The following CLPX variants were observed in gnomAD, a reference collection of about 807,000 sequenced individuals.
The protein encoded by CLPX is caseinolytic mitochondrial matrix peptidase chaperone subunit X, also known as ATP-dependent clpX-like chaperone, mitochondrial.
A neutral mutation model predicts 76.4 loss-of-function variants in CLPX; 34 were observed. The observed-to-expected ratio is 0.45, with a 90% CI of 0.34 to 0.59. The LOEUF is 0.59. Among genes scored for constraint, CLPX ranks in the 20% least tolerant of loss-of-function variants. The pLI, the probability that CLPX is intolerant of heterozygous loss-of-function variation, is 0.01. For missense variants in CLPX, 613 were observed against 757.0 expected, an observed-to-expected ratio of 0.81 and a Z score of 2.23; for synonymous variants, 248 against 270.9, an observed-to-expected ratio of 0.92 and a Z score of 0.83.
intron 10 of CLPX, 53 bp downstream of exon 10, chr15:65,155,639 G>T: frequency 7.0e-7 from 1 of 1,427,984 alleles, no homozygotes; most frequent in Non-Finnish European, 9.7e-7. Context: ...GAAACTGAGT[G>T]TACATCCTTT....
chr15:65,184,004 T>C (rs1222054594), intron 1 of CLPX, among the ~76,000 whole-genome samples: 1 of 152,280 alleles, frequency 6.6e-6, no homozygotes, highest in Non-Finnish European at 1.5e-5. Context: ...CTTACATTTA[T>C]ATATCATTTT....
At chr15:65,159,991 T>A (rs1258191555) in intron 6 of CLPX, among the ~76,000 whole-genome samples, 1 of 152,040 alleles carries the variant, frequency 6.6e-6, no homozygotes, top group Non-Finnish European at 1.5e-5. Context: ...TTTTGTATTA[T>A]TAGTAGAGAC....
chr15:65,161,638 T>G (rs753396612), intron 6 of CLPX, among the ~76,000 whole-genome samples: 3 of 150,472 alleles, frequency 2.0e-5, no homozygotes, highest in Non-Finnish European at 4.5e-5. Context: ...ATAGGTTAAC[T>G]AGCTGTCAAC....
At chr15:65,151,828 T>G (rs370760751) in intron 13 of CLPX, among the ~76,000 whole-genome samples, 1 of 152,204 alleles carries the variant, frequency 6.6e-6, no homozygotes, top group Non-Finnish European at 1.5e-5. Flanking sequence ...ACCTAGCTTT[T>G]GTGTAGGTAA....
In CLPX at chr15:65,160,623, T is replaced by TCTCTCTCACACACA. The variant is rs1219208926; in HGVS notation, c.716-1873_716-1872insTGTGTGTGAGAGAG. 1.1e-3 allele frequency among the ~76,000 whole-genome samples: 114 copies of TCTCTCTCACACACA among 101,012 alleles called. 1 individual carries two copies. Among genetic ancestry groups the TCTCTCTCACACACA allele is most frequent in the Middle Eastern group, 5.4e-3 (1 of 184 alleles). The allele number at this position is 101,012 out of a possible 152,430, so 66.3% of individuals were successfully genotyped here. A position where few individuals can be genotyped will look rare whatever the true frequency, so the allele number is the denominator to read the frequency against. On this transcript the variant is annotated intron_variant, in intron 6 of 13. Transcript: ENST00000300107. ...CTCTCTCTCTCTCTCTCTCTCTCTC[T>TCTCTCTCACACACA]CACACACACACACACACACACACAC...
rs766572427 is a variant in CLPX at position 65,179,001 on chromosome 15, C to T, written c.291G>A (p.Gly97=). The T allele has an allele frequency of 8.1e-6, 13 of 1,612,134 alleles. 1 individual carries two copies. In the Admixed American group the frequency reaches 1.3e-4, roughly 17 times the overall value. Residue 97 remains glycine (G), a synonymous_variant, in exon 3 of 14, where the codon GGG becomes GGA. Transcript: ENST00000300107. The stretch of plus-strand genomic sequence containing the variant: ...GACAGCGCAGCTGGTTTCCACCTTT[C>T]CCAGAATTCCCAGAGCCTGATTTCT... The part of the protein sequence containing the change: ...SSKKSGSGNS[G]KGGNQLRCPK...
chr15:65,165,631 C>T lies in CLPX; in HGVS notation c.513+1000G>A, dbSNP rs568200272. ...CGATCTCCTGACCTCATGATCCGCC[C>T]GCCTCGGCCTCCCAAAGTGCTGGGA... On this transcript the variant is annotated intron_variant, in intron 4 of 13. Coordinates refer to ENST00000300107, the MANE Select transcript of CLPX (RefSeq NM_006660.5). Among the ~76,000 whole-genome samples the T allele has an allele frequency of 2.6e-4, 39 of 151,746 alleles. 1 individual carries two copies. Among genetic ancestry groups the T allele is most frequent in the Middle Eastern group, 3.4e-3 (1 of 294 alleles).
rs1001543449 is a variant in CLPX, at chr15:65,185,304, T to C, written c.-151A>G. On this transcript the variant is annotated 5_prime_UTR_variant, in exon 1 of 14. Transcript: ENST00000300107. ...GTTCACCTGCCCGGCAGCCAGGCCT[T>C]CACGCTTCTCTGCCCCACAGCCGTC... is the stretch of plus-strand genomic sequence containing the variant. The C allele has an allele frequency of 3.6e-5, 22 of 615,362 alleles. No homozygotes were observed. The highest frequency in any genetic ancestry group is 5.2e-5 in the Non-Finnish European group (18 of 347,582). The allele number at this position is 615,362 out of a possible 1,614,324, so 38.1% of individuals were successfully genotyped here.
chr15:65,185,201 C>T lies in CLPX; in HGVS notation c.-48G>A. ...CTTCGCCCCCTGAGGACCTCCGGGTCACAGCGGCGTGAATCCTGCCCGCAA... is the reference window on the plus strand; with the variant it reads ...CTTCGCCCCCTGAGGACCTCCGGGTTACAGCGGCGTGAATCCTGCCCGCAA... On this transcript the variant is annotated 5_prime_UTR_variant, in exon 1 of 14. Transcript: ENST00000300107. 6.8e-7 allele frequency: 1 copy of T among 1,471,624 alleles called. No individual in the cohort carries two copies. Among genetic ancestry groups the T allele is most frequent in the East Asian group, 2.5e-5 (1 of 40,666 alleles). 91.2% of individuals were successfully genotyped at this position (1,471,624 alleles called of 1,614,324 possible).
At position 65,164,044 on chromosome 15, in the gene CLPX, A is replaced by ATGTCTGCTTCTCAACCTCTGCTTGC; in HGVS notation, c.633_657dup (p.Ser220AlafsTer5). On this transcript the variant is annotated stop_gained and frameshift_variant, in exon 5 of 14. Transcript: ENST00000300107. LOFTEE classifies it high-confidence loss of function. Reference sequence around the variant, plus strand: ...AAAACGCTACCTCTTGGTGTTAATGATGTCTGCTTCTCAACCTCTGCTTGC... The same window carrying ATGTCTGCTTCTCAACCTCTGCTTGC: ...AAAACGCTACCTCTTGGTGTTAATGATGTCTGCTTCTCAACCTCTGCTTGCTGTCTGCTTCTCAACCTCTGCTTGC... 6.2e-7 allele frequency: 1 copy of ATGTCTGCTTCTCAACCTCTGCTTGC among 1,613,420 alleles called. No individual in the cohort carries two copies. The highest frequency in any genetic ancestry group is 8.5e-7 in the Non-Finnish European group (1 of 1,179,748).
intron 4 of CLPX, 117 bp downstream of exon 4, chr15:65,166,514 T>C (rs1444077064): frequency 2.7e-6 from 3 of 1,092,974 alleles, no homozygotes; most frequent in Non-Finnish European, 2.7e-6. Context: ...GTCCATATTA[T>C]GAACCTATAA....
intron 3 of CLPX, among the ~76,000 whole-genome samples, chr15:65,174,223 T>C (rs1421314375): frequency 1.3e-5 from 2 of 151,954 alleles, no homozygotes; most frequent in African/African-American, 4.8e-5. Flanking sequence ...TCCACCCACC[T>C]TGGCCTCCCA....
intron 12 of CLPX, among the ~76,000 whole-genome samples, chr15:65,152,750 C>A (rs2140609595): frequency 6.6e-6 from 1 of 150,676 alleles, no homozygotes; most frequent in Non-Finnish European, 1.5e-5. Flanking sequence ...CGTAAGCCAC[C>A]AAATCTGGCC....
rs951204041 is a variant in CLPX at position 65,180,131 on chromosome 15, T to G, written c.153A>C (p.Arg51Ser). The G allele has an allele frequency of 5.0e-6, 8 of 1,611,666 alleles. No homozygotes were observed. The highest frequency in any genetic ancestry group is 5.9e-6 in the Non-Finnish European group (7 of 1,178,610). Residue 51 changes from arginine to serine, a missense_variant, in exon 2 of 14, where the codon AGA becomes AGC. Physicochemically the swap from Arg to Ser is moderately radical, Grantham distance 110. This residue lies in a region of CLPX where 163 missense variants were observed against 118.4 expected (regional missense o/e 1.38). Transcript: ENST00000300107. The part of the protein sequence containing the change: ...LGTFETQILQ[R>S]APLRSFTETP... Reference sequence around the variant, plus strand: ...TTTCTGTAAAGGATCTAAGAGGAGCTCTTTGCAGAATCTGAGTTTCAAATG... The same window carrying G: ...TTTCTGTAAAGGATCTAAGAGGAGCGCTTTGCAGAATCTGAGTTTCAAATG...
chr15:65,152,474 A>G lies in CLPX; in HGVS notation c.1767T>C (p.Val589=). ...TTTTTCCTTCTACTACTTCTTTGTC[A>G]ACCTCCACACATACGATATCAGAAT... ...VPNSDIVCVE[V]DKEVVEGKKE... The change falls in exon 13 of 14, where the codon GTT becomes GTC. Residue 589 remains valine, a synonymous_variant. Coordinates refer to ENST00000300107, the MANE Select transcript of CLPX (RefSeq NM_006660.5). The G allele has an allele frequency of 6.4e-7, 1 of 1,562,894 alleles. No homozygotes were observed. The highest frequency in any genetic ancestry group is 8.7e-7 in the Non-Finnish European group (1 of 1,155,482).
In CLPX at chr15:65,173,365, C is replaced by CAA. The variant is rs35763100; in HGVS notation, c.358+5567_358+5568dup. Among the ~76,000 whole-genome samples, 159 of 51,430 alleles carry CAA rather than the reference C, an allele frequency of 3.1e-3. 1 individual carries two copies. Among genetic ancestry groups the CAA allele is most frequent in the African/African-American group, 4.3e-3 (62 of 14,454 alleles). 33.7% of individuals were successfully genotyped at this position (51,430 alleles called of 152,430 possible). ...CTGGTGACAGAGTGAGACTCTGTCT[C>CAA]AAAAAAAAAAAAAAAAAAAAAAGAA... is the stretch of plus-strand genomic sequence containing the variant. On this transcript the variant is annotated intron_variant, in intron 3 of 13. Coordinates refer to ENST00000300107, the MANE Select transcript of CLPX (RefSeq NM_006660.5).
intron 1 of CLPX, among the ~76,000 whole-genome samples, chr15:65,181,739 GCT>G (rs1358619766): frequency 6.8e-6 from 1 of 146,012 alleles, no homozygotes; most frequent in East Asian, 2.0e-4. Context: ...ACGGAGCGAG[GCT>G]CTGTCGCAAA....
rs143562597 is a variant in CLPX at position 65,157,323 on chromosome 15, C to T, written c.1058-391G>A. Among the ~76,000 whole-genome samples the T allele has an allele frequency of 2.0e-3, 306 of 152,270 alleles. 1 individual carries two copies. Among genetic ancestry groups the T allele is most frequent in the African/African-American group, 6.5e-3 (272 of 41,552 alleles). ...GAACAGGAAGCTGTCATGCTCTTCA[C>T]GTGAACAAGAACAGATGATAAATGA... On this transcript the variant is annotated intron_variant, in intron 8 of 13. Transcript: ENST00000300107.
chr15:65,178,895 A>G, intron 3 of CLPX, 39 bp downstream of exon 3: 1 of 1,131,094 alleles, frequency 8.8e-7, no homozygotes, highest in South Asian at 1.5e-5. Context: ...TTTACAGAAA[A>G]TGTAGGGAAA....
Sources: allele counts gnomAD v4.1 joint callset (sites outside exome capture counted in the v4.1 genomes callset), GRCh38; gene constraint gnomAD v4.1.1; regional missense constraint gnomAD v4.1.1; transcripts MANE v1.5; gene names NCBI Gene and HGNC (gene_info 2026-07-23, HGNC 2026-07-21).